Variants in SHQ1 observed in about 807,000 individuals in gnomAD.
SHQ1 encodes protein SHQ1 homolog.
In SHQ1, 49 loss-of-function variants were observed where a neutral mutation model predicts 53.8. The observed-to-expected ratio is 0.91, with a 90% CI of 0.72 to 1.16. The LOEUF is 1.16. Among genes scored for constraint, SHQ1 ranks in the 50% most tolerant of loss-of-function variants. The pLI is 0.00. For synonymous variants in SHQ1, 243 were observed against 251.0 expected, an observed-to-expected ratio of 0.97 and a Z score of 0.30; for missense variants, 738 against 683.1, an observed-to-expected ratio of 1.08 and a Z score of -0.90.
At chr3:72,800,519 A>G (rs1706755523) in intron 9 of SHQ1, among the ~76,000 whole-genome samples, 1 of 152,220 alleles carries the variant, frequency 6.6e-6, no homozygotes, top group East Asian at 1.9e-4. Context: ...ACCCTCAACC[A>G]CTATGCAATA....
intron 9 of SHQ1, among the ~76,000 whole-genome samples, chr3:72,799,251 G>GT (rs1385465537): frequency 6.6e-6 from 1 of 152,078 alleles, no homozygotes; most frequent in Non-Finnish European, 1.5e-5. Context: ...GTCTTTATTT[G>GT]TAAAATCATC....
At chr3:72,844,257 T>C (rs1055319401) in intron 2 of SHQ1, 102 bp downstream of exon 2, 17 of 923,466 alleles carry the variant, frequency 1.8e-5, no homozygotes, top group East Asian at 1.6e-4. Context: ...CAGATTGTAT[T>C]TGAAAGACAT....
intron 10 of SHQ1, among the ~76,000 whole-genome samples, chr3:72,767,547 C>T (rs779612476): frequency 2.0e-5 from 3 of 152,168 alleles, no homozygotes; most frequent in Non-Finnish European, 4.4e-5. Context: ...CTCATATATT[C>T]TATTATAGTG....
intron 9 of SHQ1, among the ~76,000 whole-genome samples, chr3:72,802,497 C>A (rs1288498328): frequency 1.3e-5 from 2 of 152,192 alleles, no homozygotes; most frequent in Non-Finnish European, 2.9e-5. Flanking sequence ...TCAGCCCGGT[C>A]CCAGCACACT....
At position 72,848,390 on chromosome 3, in the gene SHQ1, G is replaced by C. The variant is rs368474266; in HGVS notation, c.-50C>G. The C allele has an allele frequency of 4.4e-6, 7 of 1,604,384 alleles. No individual in the cohort carries two copies. Among genetic ancestry groups the C allele is most frequent in the South Asian group, 1.1e-5 (1 of 90,538 alleles). The stretch of plus-strand genomic sequence containing the variant: ...CGCCGCTCGCTCTCACTGCCGCCGC[G>C]TTCCCGCCACGCAAACTCTCCAACT... On this transcript the variant is annotated 5_prime_UTR_variant, in exon 1 of 11. Coordinates refer to ENST00000325599, the MANE Select transcript of SHQ1 (RefSeq NM_018130.3).
chr3:72,797,523 T>G (rs1203583491), intron 9 of SHQ1, among the ~76,000 whole-genome samples: 1 of 152,110 alleles, frequency 6.6e-6, no homozygotes, highest in Non-Finnish European at 1.5e-5. Flanking sequence ...AATTGACAAA[T>G]GAAGGTTACA....
At chr3:72,801,853 C>T (rs1356305134) in intron 9 of SHQ1, among the ~76,000 whole-genome samples, 2 of 151,962 alleles carry the variant, frequency 1.3e-5, no homozygotes, top group Non-Finnish European at 2.9e-5. Context: ...AACTGTGTTC[C>T]CCAATTCTAA....
chr3:72,831,161 C>T (rs1707808536), intron 5 of SHQ1, among the ~76,000 whole-genome samples: 1 of 152,188 alleles, frequency 6.6e-6, no homozygotes, highest in Non-Finnish European at 1.5e-5. Flanking sequence ...TTGAATCTCT[C>T]AGATGTCCTC....
At chr3:72,761,876 A>G (rs1385088708) in intron 10 of SHQ1, among the ~76,000 whole-genome samples, 1 of 152,224 alleles carries the variant, frequency 6.6e-6, no homozygotes, top group Non-Finnish European at 1.5e-5. Flanking sequence ...CCCCTGGTTC[A>G]CAATTATATA....
chr3:72,788,219 G>C (rs1014278348), intron 10 of SHQ1, among the ~76,000 whole-genome samples: 5 of 150,252 alleles, frequency 3.3e-5, no homozygotes, highest in Non-Finnish European at 7.4e-5. Context: ...CGCCCAGTCT[G>C]GGAAGTGAGG....
intron 5 of SHQ1, 39 bp downstream of exon 5, chr3:72,832,330 C>T: frequency 6.9e-7 from 1 of 1,442,234 alleles, no homozygotes; most frequent in Non-Finnish European, 9.7e-7. Context: ...AAATAAATGT[C>T]AAGTAAATTA....
rs1274696079 is a variant in SHQ1 at position 72,751,498 on chromosome 3, G to GTACATATATATATA, written c.1182-663_1182-662insTATATATATATGTA. On this transcript the variant is annotated intron_variant, in intron 10 of 10. Coordinates refer to ENST00000325599, the MANE Select transcript of SHQ1 (RefSeq NM_018130.3). ...CATATGTGTGTGTGTGTGTGTGTGT[G>GTACATATATATATA]TGTGTGTGTGTATATATATATATAT... Among the ~76,000 whole-genome samples, 223 of 119,850 alleles carry GTACATATATATATA rather than the reference G, an allele frequency of 1.9e-3. 1 individual carries two copies. The highest frequency in any genetic ancestry group is 2.3e-3 in the African/African-American group (55 of 24,424). The allele number at this position is 119,850 out of a possible 152,430, so 78.6% of individuals were successfully genotyped here.
chr3:72,754,003 G>C (rs1238558328), intron 10 of SHQ1, among the ~76,000 whole-genome samples: 1 of 152,016 alleles, frequency 6.6e-6, no homozygotes, highest in Non-Finnish European at 1.5e-5. Flanking sequence ...TAATAAATTT[G>C]GGAAAGTGGA....
chr3:72,743,600 C>A, the SHQ1 span, among the ~76,000 whole-genome samples: 1 of 152,168 alleles, frequency 6.6e-6, no homozygotes, highest in Non-Finnish European at 1.5e-5. Flanking sequence ...CAAAGAAAGG[C>A]AACACGGCCG....
chr3:72,790,574 C>A (rs138565856), intron 10 of SHQ1, among the ~76,000 whole-genome samples: 4 of 139,724 alleles, frequency 2.9e-5, no homozygotes, highest in African/African-American at 8.0e-5. Flanking sequence ...AAATTCCTTA[C>A]GAAAATCATG....
downstream of SHQ1, among the ~76,000 whole-genome samples, chr3:72,748,865 G>C (rs945634295): frequency 6.6e-6 from 1 of 151,994 alleles, no homozygotes; most frequent in Non-Finnish European, 1.5e-5. Flanking sequence ...GGAGGTGCGA[G>C]GATTGCTTGA....
In SHQ1 at chr3:72,775,665, C is replaced by T. The variant is rs550399132; in HGVS notation, c.1181+17251G>A. Among the ~76,000 whole-genome samples the T allele has an allele frequency of 3.3e-5, 5 of 152,078 alleles. No homozygotes were observed. In the East Asian group the frequency reaches 9.7e-4, roughly 29 times the overall value. ...TGTAGGCACCCACAGAGTTTGCAAG[C>T]CAAATCCAGCATCATGTTTAAATAA... On this transcript the variant is annotated intron_variant, in intron 10 of 10. Transcript: ENST00000325599.
chr3:72,817,130 G>A (rs1707341811), intron 7 of SHQ1, 100 bp downstream of exon 7: 1 of 1,320,870 alleles, frequency 7.6e-7, no homozygotes, highest in Non-Finnish European at 1.0e-6. Context: ...CTGAATAACT[G>A]ATCACCACCA....
chr3:72,731,954 T>A, the SHQ1 span, among the ~76,000 whole-genome samples: 1 of 151,616 alleles, frequency 6.6e-6, no homozygotes, highest in South Asian at 2.1e-4. Context: ...AAGGCCCTTC[T>A]TCCCTGGAAG....
Sources: allele counts gnomAD v4.1 joint callset (sites outside exome capture counted in the v4.1 genomes callset), GRCh38; gene constraint gnomAD v4.1.1; transcripts MANE v1.5; gene names NCBI Gene and HGNC (gene_info 2026-07-23, HGNC 2026-07-21).